CPNE5: variants seen among roughly 807,000 people sequenced by gnomAD.
The protein encoded by CPNE5 is copine 5.
A neutral mutation model predicts 81.1 loss-of-function variants in CPNE5; 42 were observed. The ratio of observed to expected loss-of-function variants is 0.52; its 90% CI spans 0.40 to 0.67. The LOEUF (loss-of-function observed/expected upper bound fraction) is 0.67, where lower values mean the gene tolerates loss of function less well. Among genes scored for constraint, CPNE5 ranks in the 30% least tolerant of loss-of-function variants. The probability of loss-of-function intolerance (pLI) is 0.00; values close to 1 mark genes in which losing one functional copy is unlikely to be tolerated. For missense variants in CPNE5, 612 were observed against 815.5 expected, an observed-to-expected ratio of 0.75 and a Z score of 3.04; for synonymous variants, 313 against 321.5, an observed-to-expected ratio of 0.97 and a Z score of 0.28.
At chr6:36,754,825 G>A (rs987808004) in intron 13 of CPNE5, 12 of 152,334 alleles carry the variant, frequency 7.9e-5, no homozygotes, top group African/African-American at 2.9e-4. Context: ...AATTTAGGAA[G>A]GCGTGGGAGA....
At chr6:36,802,506 C>T (rs1018303918) in intron 3 of CPNE5, among the ~76,000 whole-genome samples, 2 of 152,136 alleles carry the variant, frequency 1.3e-5, no homozygotes, top group African/African-American at 2.4e-5. Flanking sequence ...TCCATGAAGG[C>T]AGGGGTGCTG....
chr6:36,786,512 G>T (rs527773095), intron 8 of CPNE5, among the ~76,000 whole-genome samples: 1 of 152,140 alleles, frequency 6.6e-6, no homozygotes, highest in East Asian at 1.9e-4. Flanking sequence ...CAGACTGACC[G>T]TTTTCCCTCC....
intron 1 of CPNE5, chr6:36,838,882 G>T (rs1773771751): frequency 3.6e-6 from 1 of 279,924 alleles, no homozygotes; most frequent in Non-Finnish European, 5.4e-6. Flanking sequence ...AAGGGAGAGG[G>T]TGGACGAGCC....
chr6:36,805,754 G>T (rs1259005273), intron 3 of CPNE5, among the ~76,000 whole-genome samples: 4 of 152,158 alleles, frequency 2.6e-5, no homozygotes, highest in Non-Finnish European at 5.9e-5. Context: ...TCTCTCCCTG[G>T]CAACAAAACT....
intron 8 of CPNE5, among the ~76,000 whole-genome samples, chr6:36,783,751 C>T (rs935570676): frequency 2.0e-5 from 3 of 152,078 alleles, no homozygotes; most frequent in Non-Finnish European, 4.4e-5. Context: ...TGAGGTCAAG[C>T]GATCTGCCCA....
intron 3 of CPNE5, among the ~76,000 whole-genome samples, chr6:36,802,175 C>T (rs559677105): frequency 1.2e-4 from 14 of 116,972 alleles, no homozygotes; most frequent in East Asian, 3.0e-4. Flanking sequence ...GCCAGGATTG[C>T]GCCAATGTAC....
At chr6:36,811,296 C>A (rs558983618) in intron 3 of CPNE5, among the ~76,000 whole-genome samples, 1 of 152,224 alleles carries the variant, frequency 6.6e-6, no homozygotes, top group South Asian at 2.1e-4. Flanking sequence ...ATAGCTCCTG[C>A]CAAATGGCAT....
intron 3 of CPNE5, among the ~76,000 whole-genome samples, chr6:36,804,246 G>T (rs1770386029): frequency 6.6e-6 from 1 of 152,158 alleles, no homozygotes; most frequent in African/African-American, 2.4e-5. Context: ...ATCAAATAAA[G>T]ATGAGGTTTA....
intron 4 of CPNE5, among the ~76,000 whole-genome samples, chr6:36,798,699 G>C (rs1769822189): frequency 1.3e-5 from 2 of 152,138 alleles, no homozygotes; most frequent in South Asian, 4.1e-4. Context: ...TGACATCAGA[G>C]GGGTGGAAAC....
At chr6:36,788,287 C>T (rs1316125707) in intron 8 of CPNE5, among the ~76,000 whole-genome samples, 1 of 152,066 alleles carries the variant, frequency 6.6e-6, no homozygotes, top group East Asian at 1.9e-4. Context: ...AAGCTATTCT[C>T]CTGCCTTGCT....
intron 1 of CPNE5, among the ~76,000 whole-genome samples, chr6:36,837,885 T>C (rs1341434606): frequency 6.6e-6 from 1 of 151,954 alleles, no homozygotes; most frequent in African/African-American, 2.4e-5. Flanking sequence ...CGTGCTGCTT[T>C]TGATGGCTGA....
At chr6:36,775,564 C>T (rs1767428690) in intron 9 of CPNE5, among the ~76,000 whole-genome samples, 1 of 152,174 alleles carries the variant, frequency 6.6e-6, no homozygotes, top group South Asian at 2.1e-4. Context: ...CTGGAATATT[C>T]TCTCCTCCGC....
chr6:36,770,748 T>G (rs1442467940), intron 10 of CPNE5, among the ~76,000 whole-genome samples: 1 of 152,178 alleles, frequency 6.6e-6, no homozygotes, highest in Admixed American at 6.5e-5. Context: ...GGTCCACAGC[T>G]GCCTCCTCTC....
intron 6 of CPNE5, among the ~76,000 whole-genome samples, chr6:36,794,937 G>T (rs1478654280): frequency 6.6e-6 from 1 of 152,164 alleles, no homozygotes; most frequent in Non-Finnish European, 1.5e-5. Context: ...ACAGGATCAG[G>T]AACTCTGCGG....
intron 10 of CPNE5, among the ~76,000 whole-genome samples, chr6:36,772,803 C>T (rs1767153244): frequency 6.6e-6 from 1 of 152,196 alleles, no homozygotes; most frequent in Non-Finnish European, 1.5e-5. Context: ...CTCCCAGCTG[C>T]CCCAAGGTGT....
chr6:36,807,345 C>T (rs995415469), intron 3 of CPNE5, among the ~76,000 whole-genome samples: 22 of 152,184 alleles, frequency 1.4e-4, no homozygotes, highest in Non-Finnish European at 3.1e-4. Context: ...GCCTCAGTTT[C>T]CTCCTCTGTA....
At chr6:36,825,256 G>A (rs1772403028) in intron 1 of CPNE5, among the ~76,000 whole-genome samples, 1 of 152,198 alleles carries the variant, frequency 6.6e-6, no homozygotes, top group African/African-American at 2.4e-5. Flanking sequence ...ACAGCAGCCT[G>A]AGGCCTACAC....
intron 14 of CPNE5, among the ~76,000 whole-genome samples, chr6:36,748,627 G>A (rs895665366): frequency 2.6e-5 from 4 of 152,120 alleles, no homozygotes; most frequent in African/African-American, 9.7e-5. Flanking sequence ...CAAATTTGGA[G>A]TGAGATTCAG....
Position 36,746,641 on chromosome 6 carries a change from TGAA to T in CPNE5, c.1019-67_1019-65del. The T allele has an allele frequency of 6.7e-7, 1 of 1,488,726 alleles. No individual in the cohort carries two copies. Among genetic ancestry groups the T allele is most frequent in the East Asian group, 2.4e-5 (1 of 41,138 alleles). 92.2% of individuals were successfully genotyped at this position (1,488,726 alleles called of 1,614,324 possible). On this transcript the variant is annotated intron_variant, in intron 15 of 20. Transcript: ENST00000244751. The surrounding 1 kb of genome is among the most constrained non-coding windows in gnomAD (Gnocchi z 4.5). ...CCTCCAAGTCACCCCGGGTTCAGAATGAAGAAGGGGGTGTCCAAGGGCACCCCT... is the reference window on the plus strand; with the variant it reads ...CCTCCAAGTCACCCCGGGTTCAGAATGAAGGGGGTGTCCAAGGGCACCCCT...
Sources: gnomAD v4.1 joint callset for allele counts (sites outside exome capture counted in the v4.1 genomes callset) on GRCh38, gnomAD v4.1.1 for gene constraint, Gnocchi (gnomAD v3.1) non-coding constraint, MANE v1.5 for transcripts, NCBI Gene and HGNC (gene_info 2026-07-23, HGNC 2026-07-21) for gene names.